Variants in HMBOX1 observed in about 807,000 individuals in gnomAD.
HMBOX1 encodes homeobox containing 1.
In HMBOX1, 14 loss-of-function variants were observed where a neutral mutation model predicts 54.5. The ratio of observed to expected loss-of-function variants is 0.26; its 90% confidence interval spans 0.17 to 0.40. The LOEUF (loss-of-function observed/expected upper bound fraction) is 0.40, where lower values mean the gene tolerates loss of function less well. HMBOX1 is among the 10% of genes least tolerant of loss of function. The pLI is 1.00. For missense variants in HMBOX1, 332 were observed against 514.4 expected (o/e 0.65, Z 3.43); for synonymous variants, 160 against 181.0 (o/e 0.88, Z 0.93).
At chr8:28,980,329 A>G (rs532458090) in intron 4 of HMBOX1, among the ~76,000 whole-genome samples, 173 bp downstream of exon 4, 2 of 152,302 alleles carry the variant, frequency 1.3e-5, no homozygotes, top group South Asian at 4.2e-4. Context: ...GAACTTCTCT[A>G]GTGATTTTTT....
chr8:29,009,525 T>TTC (rs1833942273), intron 5 of HMBOX1: 1 of 56,434 alleles, frequency 1.8e-5, no homozygotes, highest in African/African-American at 2.4e-4. Context: ...CCGTATCTCT[T>TTC]TTTTTTTTTT....
At chr8:29,024,238 T>A (rs980664104) in intron 6 of HMBOX1, among the ~76,000 whole-genome samples, 2 of 152,218 alleles carry the variant, frequency 1.3e-5, no homozygotes, top group Non-Finnish European at 2.9e-5. Context: ...AGAGGAAAAC[T>A]ACACCAAAGT....
intron 1 of HMBOX1, among the ~76,000 whole-genome samples, chr8:28,923,662 A>G (rs1225422526): frequency 6.6e-6 from 1 of 152,222 alleles, no homozygotes; most frequent in Non-Finnish European, 1.5e-5. Context: ...AATTCTGTTT[A>G]ACTTCTTGAG....
chr8:29,022,368 T>C (rs545526095), intron 6 of HMBOX1, among the ~76,000 whole-genome samples: 19 of 152,078 alleles, frequency 1.2e-4, no homozygotes, highest in Non-Finnish European at 2.2e-4. Flanking sequence ...CAGTGAGCTA[T>C]GATCACACTA....
chr8:28,926,298 T>C (rs1040458650), intron 1 of HMBOX1, among the ~76,000 whole-genome samples: 26 of 140,544 alleles, frequency 1.8e-4, no homozygotes, highest in African/African-American at 5.4e-4. Flanking sequence ...TATATATATA[T>C]ATATATACAC....
intron 3 of HMBOX1, 29 bp from the exon 4 acceptor site, chr8:28,980,042 T>G: frequency 1.4e-6 from 2 of 1,474,442 alleles, no homozygotes; most frequent in Non-Finnish European, 1.9e-6. Flanking sequence ...TCAACATACA[T>G]TGTTGGTCTT....
intron 4 of HMBOX1, among the ~76,000 whole-genome samples, chr8:28,982,606 C>T (rs762688763): frequency 6.6e-6 from 1 of 151,814 alleles, no homozygotes; most frequent in Non-Finnish European, 1.5e-5. Flanking sequence ...TGCACCACCA[C>T]ACCCGGCTAA....
chr8:28,991,918 A>G (rs1016416174), intron 4 of HMBOX1, among the ~76,000 whole-genome samples: 4 of 152,148 alleles, frequency 2.6e-5, no homozygotes, highest in African/African-American at 7.2e-5. Flanking sequence ...TAACACTATC[A>G]GGTGTTAGAT....
intron 1 of HMBOX1, among the ~76,000 whole-genome samples, chr8:28,906,612 CAG>C (rs1331116965): frequency 1.7e-4 from 26 of 152,124 alleles, no homozygotes; most frequent in South Asian, 6.2e-4. Flanking sequence ...ATTTTTGAGA[CAG>C]AGTCTCACTC....
intron 1 of HMBOX1, among the ~76,000 whole-genome samples, chr8:28,922,442 AT>A (rs1223772155): frequency 3.3e-5 from 5 of 152,178 alleles, no homozygotes; most frequent in Non-Finnish European, 7.4e-5. Flanking sequence ...TTGGGCTTTT[AT>A]TTTTGAATTC....
intron 6 of HMBOX1, among the ~76,000 whole-genome samples, chr8:29,031,131 A>C (rs754616416): frequency 4.3e-4 from 66 of 152,280 alleles, no homozygotes; most frequent in Non-Finnish European, 6.9e-4. Context: ...CTTACATTTC[A>C]TTTTCTTCTT....
intron 4 of HMBOX1, among the ~76,000 whole-genome samples, chr8:28,984,954 TA>T (rs1202479590): frequency 6.6e-6 from 1 of 152,220 alleles, no homozygotes; most frequent in Non-Finnish European, 1.5e-5. Context: ...TTAAGAAATT[TA>T]CCATAATTTT....
chr8:28,910,987 C>T (rs1023064267), intron 1 of HMBOX1, among the ~76,000 whole-genome samples: 1 of 152,180 alleles, frequency 6.6e-6, no homozygotes, highest in Non-Finnish European at 1.5e-5. Flanking sequence ...GTAGAGTTCA[C>T]TTGCTTAGTG....
chr8:28,926,035 A>T (rs1373782398), intron 1 of HMBOX1, among the ~76,000 whole-genome samples: 3 of 152,186 alleles, frequency 2.0e-5, no homozygotes, highest in African/African-American at 7.2e-5. Flanking sequence ...GCGGTGGCTT[A>T]TGCATGTAAT....
intron 6 of HMBOX1, among the ~76,000 whole-genome samples, chr8:29,037,889 G>GC (rs1214342841): frequency 1.3e-5 from 2 of 152,134 alleles, no homozygotes; most frequent in Non-Finnish European, 2.9e-5. Flanking sequence ...CCTGCCCACT[G>GC]CCCAGTAAGT....
intron 5 of HMBOX1, among the ~76,000 whole-genome samples, chr8:29,011,221 A>G (rs1834181161): frequency 6.6e-6 from 1 of 152,254 alleles, no homozygotes; most frequent in African/African-American, 2.4e-5. Context: ...AATTTTTGCA[A>G]TAAAACACTG....
At chr8:28,947,830 T>C (rs577011021) in intron 1 of HMBOX1, among the ~76,000 whole-genome samples, 1 of 152,350 alleles carries the variant, frequency 6.6e-6, no homozygotes, top group African/African-American at 2.4e-5. Context: ...AACCATATTG[T>C]CTTCGTGCAG....
chr8:28,960,701 A>T, intron 1 of HMBOX1, among the ~76,000 whole-genome samples: 1 of 119,230 alleles, frequency 8.4e-6, no homozygotes, highest in African/African-American at 3.2e-5. Context: ...TGTAACTCTT[A>T]TATCTTGGTC....
chr8:28,896,089 A>AT (rs1462237976), intron 1 of HMBOX1, among the ~76,000 whole-genome samples: 1 of 152,172 alleles, frequency 6.6e-6, no homozygotes, highest in African/African-American at 2.4e-5. Flanking sequence ...TAGCTATGTG[A>AT]CCTTGGGCAA....
Sources: allele counts gnomAD v4.1 joint callset (sites outside exome capture counted in the v4.1 genomes callset), GRCh38; gene constraint gnomAD v4.1.1; transcripts MANE v1.5; gene names NCBI Gene and HGNC (gene_info 2026-07-23, HGNC 2026-07-21).